Variants in ZDHHC6 observed in about 807,000 individuals in gnomAD.
The protein encoded by ZDHHC6 is zDHHC palmitoyltransferase 6.
In ZDHHC6, 32 loss-of-function variants were observed where a neutral mutation model predicts 57.8. The observed-to-expected ratio is 0.55, with a 90% CI of 0.42 to 0.74. The LOEUF (loss-of-function observed/expected upper bound fraction) is 0.74. Ranked by LOEUF, ZDHHC6 falls within the 30% of genes least tolerant of loss-of-function variation. The probability of loss-of-function intolerance (pLI) is 0.00; values close to 1 mark genes in which losing one functional copy is unlikely to be tolerated. For synonymous variants in ZDHHC6, 128 were observed against 158.0 expected (o/e 0.81, Z 1.42); for missense variants, 433 against 500.7 (o/e 0.86, Z 1.29).
chr10:112,441,467 C>T (rs1418579123), intron 4 of ZDHHC6, among the ~76,000 whole-genome samples: 2 of 152,184 alleles, frequency 1.3e-5, no homozygotes, highest in Non-Finnish European at 2.9e-5. Context: ...ATGTGTGCTG[C>T]CTGGCCTGCA....
chr10:112,426,244 T>A (rs780147880), downstream of ZDHHC6: 2 of 1,609,670 alleles, frequency 1.2e-6, no homozygotes, highest in African/African-American at 2.7e-5. Context: ...GCACCTTTTA[T>A]TTCCTTTCCA....
At chr10:112,443,702 G>T in intron 2 of ZDHHC6, 96 bp from the exon 3 acceptor site, 1 of 888,220 alleles carries the variant, frequency 1.1e-6, no homozygotes. Flanking sequence ...GATAGGGGAA[G>T]GAGAGAATCT....
downstream of ZDHHC6, among the ~76,000 whole-genome samples, chr10:112,430,111 C>A (rs1460739404): frequency 6.6e-6 from 1 of 152,228 alleles, no homozygotes; most frequent in Non-Finnish European, 1.5e-5. Context: ...GCCACCACTG[C>A]CATCCGCTGC....
chr10:112,431,942 AAAT>A (rs1845078638), intron 10 of ZDHHC6, among the ~76,000 whole-genome samples: 1 of 152,136 alleles, frequency 6.6e-6, no homozygotes, highest in Admixed American at 6.5e-5. Context: ...AATCAAATAT[AAAT>A]AATAGTGCCT....
upstream of ZDHHC6, chr10:112,447,239 G>C: frequency 1.1e-6 from 1 of 887,606 alleles, no homozygotes; most frequent in Non-Finnish European, 1.7e-6. Flanking sequence ...CGGCTGGGTT[G>C]AGAGCTGTCC....
intron 8 of ZDHHC6, 85 bp from the exon 9 acceptor site, chr10:112,432,606 A>T (rs1435970989): frequency 6.7e-7 from 1 of 1,491,932 alleles, no homozygotes; most frequent in Non-Finnish European, 9.0e-7. Context: ...TTAAAGCAAG[A>T]TCCAAAATAT....
At chr10:112,438,516 G>A in intron 5 of ZDHHC6, 127 bp from the exon 6 acceptor site, 2 of 741,598 alleles carry the variant, frequency 2.7e-6, no homozygotes, top group South Asian at 5.1e-5. Context: ...GGATAACAGA[G>A]GTTAAGTACC....
chr10:112,426,359 A>G (rs199528384), downstream of ZDHHC6: 3 of 1,613,764 alleles, frequency 1.9e-6, no homozygotes, highest in East Asian at 6.7e-5. Flanking sequence ...GCCAAAACCA[A>G]GTAAGTCTTG....
At chr10:112,437,018 T>C (rs576308990) in intron 6 of ZDHHC6, among the ~76,000 whole-genome samples, 5 of 152,300 alleles carry the variant, frequency 3.3e-5, no homozygotes, top group African/African-American at 1.2e-4. Flanking sequence ...CTAAGGTTAT[T>C]CAGACTTCAG....
intron 6 of ZDHHC6, among the ~76,000 whole-genome samples, chr10:112,436,875 T>C (rs571451708): frequency 1.3e-5 from 2 of 152,314 alleles, no homozygotes; most frequent in East Asian, 3.9e-4. Context: ...ATGAGAAGTA[T>C]ACATAAAGCG....
intron 2 of ZDHHC6, 104 bp downstream of exon 2, chr10:112,445,066 A>C (rs947683217): frequency 4.5e-6 from 6 of 1,327,186 alleles, no homozygotes; most frequent in Non-Finnish European, 5.1e-6. Flanking sequence ...AGTCTCTGTG[A>C]GGACAAACAG....
intron 1 of ZDHHC6, among the ~76,000 whole-genome samples, chr10:112,445,965 TTAG>T (rs1846630240): frequency 6.6e-6 from 1 of 152,204 alleles, no homozygotes; most frequent in Non-Finnish European, 1.5e-5. Flanking sequence ...TTTTAGGACC[TTAG>T]AGTTGATCTA....
Position 112,434,439 on chromosome 10 carries a change from T to G in ZDHHC6, c.761A>C (p.Gln254Pro), listed in dbSNP as rs113480667. 2 of 1,613,444 alleles carry G rather than the reference T, an allele frequency of 1.2e-6. No homozygotes were observed. Among genetic ancestry groups the G allele is most frequent in the Non-Finnish European group, 1.7e-6 (2 of 1,179,664 alleles). The stretch of plus-strand genomic sequence containing the variant: ...TGGAAAAACAAAGACTTCATCTAGT[T>G]GATAATACTGAATTCGATCTTTAGC... ...EKAKDRIQYY[Q>P]LDEVFVFPYD... Residue 254 changes from glutamine to proline, a missense_variant, in exon 7 of 11, where the codon CAA (glutamine) becomes CCA (proline). Gln to Pro is a moderately conservative substitution (Grantham distance 76). Coordinates refer to ENST00000369405, the MANE Select transcript of ZDHHC6 (RefSeq NM_022494.3).
rs1239427439 is a variant in ZDHHC6, at chr10:112,438,343, T to C, written c.728A>G (p.Glu243Gly). 4 of 1,352,660 alleles carry C rather than the reference T, an allele frequency of 3.0e-6. No homozygotes were observed. The highest frequency in any genetic ancestry group is 3.9e-6 in the Non-Finnish European group (4 of 1,018,830). The allele number at this position is 1,352,660 out of a possible 1,614,324, so 83.8% of individuals were successfully genotyped here. Residue 243 changes from glutamate to glycine, a missense_variant, in exon 6 of 11, where the codon GAA (glutamate) becomes GGA (glycine). Coordinates refer to ENST00000369405, the MANE Select transcript of ZDHHC6 (RefSeq NM_022494.3). ...RNKTSIESWI[E>G]EKAKDRIQYY... ...ACAATTATTAAAATTTACCTTCTCT[T>C]CAATCCATGACTCAATAGAAGTTTT...
rs185648538 is a variant in ZDHHC6 at position 112,435,372 on chromosome 10, T to C, written c.736-908A>G. ...TTTTTACTCAGCAATAAAGTGCCCG[T>C]TCTGAAATAATTTCTAGTCTATGGC... On this transcript the variant is annotated intron_variant, in intron 6 of 10. Transcript: ENST00000369405. Among the ~76,000 whole-genome samples, 30 of 152,314 alleles carry C rather than the reference T, an allele frequency of 2.0e-4. No homozygotes were observed. In the East Asian group the frequency reaches 5.4e-3, roughly 27 times the overall value.
At position 112,434,303 on chromosome 10, in the gene ZDHHC6, G is replaced by A; in HGVS notation, c.897C>T (p.Ser299=). 1.2e-6 allele frequency: 2 copies of A among 1,606,948 alleles called. No homozygotes were observed. Among genetic ancestry groups the A allele is most frequent in the Middle Eastern group, 1.7e-4 (1 of 6,018 alleles). ...WPVREGCHQY[S]LTIEQLKQKA... ...TTTGAACAAAAATACTCACTGTTAA[G>A]CTGTATTGGTGACAGCCTTCTCTTA... is the stretch of plus-strand genomic sequence containing the variant. The change falls in exon 7 of 11, where the codon AGC becomes AGT. Residue 299 remains serine (S), a synonymous_variant. Transcript: ENST00000369405.
At chr10:112,440,970 C>T (rs1364018920) in intron 4 of ZDHHC6, among the ~76,000 whole-genome samples, 4 of 152,118 alleles carry the variant, frequency 2.6e-5, no homozygotes, top group African/African-American at 9.7e-5. Flanking sequence ...CTCAGCCTCC[C>T]GAGTAGCTGG....
intron 2 of ZDHHC6, 31 bp downstream of exon 2, chr10:112,445,139 A>G (rs1846525604): frequency 1.3e-6 from 2 of 1,593,268 alleles, no homozygotes; most frequent in Non-Finnish European, 1.7e-6. Context: ...GATTATCATT[A>G]AAGTTCATTG....
Position 112,443,533 on chromosome 10 carries a change from T to C in ZDHHC6, c.341A>G (p.His114Arg). Residue 114 changes from histidine to arginine, a missense_variant, in exon 3 of 11, where the codon CAC (histidine) becomes CGC (arginine). By Grantham distance (29) the His-to-Arg change is conservative (BLOSUM62 0). Transcript: ENST00000369405. ...CAGGTACCTGTTACACTTTCTGCAG[T>C]GATGTGAACGTGGTGCCTTGTATGC... ...CQAYKAPRSH[H>R]CRKCNRCVMK... is the part of the protein sequence containing the mutation. 2 of 1,613,896 alleles carry C rather than the reference T, an allele frequency of 1.2e-6. No individual in the cohort carries two copies. Among genetic ancestry groups the C allele is most frequent in the Non-Finnish European group, 1.7e-6 (2 of 1,179,844 alleles).
Sources: allele counts gnomAD v4.1 joint callset (sites outside exome capture counted in the v4.1 genomes callset), GRCh38; gene constraint gnomAD v4.1.1; transcripts MANE v1.5; gene names NCBI Gene and HGNC (gene_info 2026-07-23, HGNC 2026-07-21).